The following XRCC5 variants were observed in gnomAD, a reference collection of about 807,000 sequenced individuals.
XRCC5 encodes the protein X-ray repair cross complementing 5.
In XRCC5, 12 loss-of-function variants were observed where a neutral mutation model predicts 95.7. The ratio of observed to expected loss-of-function variants is 0.13; its 90% CI spans 0.08 to 0.20. XRCC5 has a LOEUF of 0.20. Ranked by LOEUF, XRCC5 falls within the 10% of genes least tolerant of loss-of-function variation. XRCC5 has a pLI of 1.00. For missense variants in XRCC5, 595 were observed against 873.9 expected (o/e 0.68, Z 4.02); for synonymous variants, 281 against 290.3 (o/e 0.97, Z 0.33).
At chr2:216,175,810 T>C in intron 16 of XRCC5, 1 of 439,272 alleles carries the variant, frequency 2.3e-6, no homozygotes, top group South Asian at 1.8e-5. Context: ...CTGGAATGTT[T>C]GCTTGGGGTT....
intron 14 of XRCC5, among the ~76,000 whole-genome samples, chr2:216,155,015 A>T (rs916843921): frequency 3.3e-5 from 5 of 151,826 alleles, no homozygotes; most frequent in Non-Finnish European, 7.4e-5. Flanking sequence ...AGTAGAAAAT[A>T]AAAAAATATA....
intron 13 of XRCC5, among the ~76,000 whole-genome samples, chr2:216,143,500 C>T (rs537145268): frequency 5.9e-5 from 9 of 151,856 alleles, no homozygotes; most frequent in African/African-American, 2.2e-4. Context: ...CAAACAGATA[C>T]AAGCCATAAA....
intron 13 of XRCC5, among the ~76,000 whole-genome samples, chr2:216,141,547 T>TTC (rs1697170770): frequency 1.3e-5 from 1 of 76,924 alleles, no homozygotes; most frequent in African/African-American, 3.9e-5. Flanking sequence ...TTTCTTTTTT[T>TTC]TTTTTTTTTT....
intron 4 of XRCC5, among the ~76,000 whole-genome samples, chr2:216,118,677 G>C (rs1696746306): frequency 6.6e-6 from 1 of 152,222 alleles, no homozygotes; most frequent in African/African-American, 2.4e-5. Context: ...CATGGAGTCA[G>C]AGCAGGATAT....
At position 216,170,392 on chromosome 2, in the gene XRCC5, A is replaced by G. The variant is rs534616890; in HGVS notation, c.1834+8344A>G. Among the ~76,000 whole-genome samples, 17 of 152,284 alleles carry G rather than the reference A, an allele frequency of 1.1e-4. No individual in the cohort carries two copies. The South Asian group carries it at 2.5e-3, about 22-fold the overall frequency. On this transcript the variant is annotated intron_variant, in intron 16 of 20. Transcript: ENST00000392132. ...TCCCATCTGGCTGAAAATGGAATTCATGAAGGCTTTCTCAGCATCATAACT... is the reference window on the plus strand; with the variant it reads ...TCCCATCTGGCTGAAAATGGAATTCGTGAAGGCTTTCTCAGCATCATAACT...
intron 16 of XRCC5, among the ~76,000 whole-genome samples, chr2:216,180,552 G>A (rs1689366677): frequency 6.6e-6 from 1 of 152,098 alleles, no homozygotes. Flanking sequence ...CTTGAACCTG[G>A]GAGGCGGGAG....
rs113950625 is a variant in XRCC5, at chr2:216,129,182, C to T, written c.937+1508C>T. On this transcript the variant is annotated intron_variant, in intron 8 of 20. Coordinates refer to ENST00000392132, the MANE Select transcript of XRCC5 (RefSeq NM_021141.4). ...TTTTGGTTGTCAGCAAGGAAGGCAT[C>T]CCTGGTTATCTTAGGCAAAAAGGAA... 5.5e-3 allele frequency among the ~76,000 whole-genome samples: 832 copies of T among 152,252 alleles called. 4 individuals carry two copies. Among genetic ancestry groups the T allele is most frequent in the Non-Finnish European group, 9.6e-3 (652 of 68,022 alleles).
At chr2:216,111,492 C>G (rs533589240) in intron 1 of XRCC5, 1 of 350,506 alleles carries the variant, frequency 2.9e-6, no homozygotes, top group South Asian at 2.0e-5. Context: ...CCACTGTACT[C>G]CAGCCTGGGT....
At chr2:216,196,873 A>C (rs1689731875) in intron 19 of XRCC5, among the ~76,000 whole-genome samples, 2 of 152,226 alleles carry the variant, frequency 1.3e-5, no homozygotes, top group Non-Finnish European at 2.9e-5. Flanking sequence ...GTTGACACAT[A>C]ATATTCATTG....
At chr2:216,126,765 C>T (rs1696905628) in intron 7 of XRCC5, among the ~76,000 whole-genome samples, 2 of 151,884 alleles carry the variant, frequency 1.3e-5, no homozygotes, top group South Asian at 4.1e-4. Context: ...CTGTGAGAAC[C>T]TTGGGGCAGT....
chr2:216,147,985 GC>G, intron 13 of XRCC5, 97 bp from the exon 14 acceptor site: 1 of 1,274,926 alleles, frequency 7.8e-7, no homozygotes, highest in South Asian at 1.3e-5. Flanking sequence ...GAATCACTTA[GC>G]CCTCCCACAC....
At chr2:216,194,440 G>A (rs1028550359) in intron 18 of XRCC5, among the ~76,000 whole-genome samples, 1 of 152,058 alleles carries the variant, frequency 6.6e-6, no homozygotes, top group East Asian at 1.9e-4. Flanking sequence ...CATAAAATAC[G>A]ACAAGAGCCA....
intron 14 of XRCC5, chr2:216,156,499 A>G (rs1688845029): frequency 9.4e-6 from 6 of 636,322 alleles, no homozygotes; most frequent in East Asian, 3.8e-5. Context: ...GACGCATTCA[A>G]TCACAGCAAA....
chr2:216,149,632 C>T (rs890369103), intron 14 of XRCC5, among the ~76,000 whole-genome samples: 4 of 152,076 alleles, frequency 2.6e-5, no homozygotes, highest in South Asian at 2.1e-4. Flanking sequence ...ATCTCCAGTC[C>T]GTGATCTTGA....
chr2:216,167,495 A>G (rs1338231664), intron 16 of XRCC5, among the ~76,000 whole-genome samples: 1 of 151,934 alleles, frequency 6.6e-6, no homozygotes, highest in Non-Finnish European at 1.5e-5. Context: ...ATTTTCTGCC[A>G]GGAGTCAAGC....
intron 14 of XRCC5, among the ~76,000 whole-genome samples, chr2:216,148,917 CAAG>C (rs146971300): frequency 0.032 from 4,813 of 152,172 alleles, 265 homozygotes; most frequent in African/African-American, 0.11. Flanking sequence ...AAAAATAAAA[CAAG>C]AAGAAATTGT....
At chr2:216,116,926 G>A in intron 3 of XRCC5, 84 bp downstream of exon 3, 2 of 1,467,982 alleles carry the variant, frequency 1.4e-6, no homozygotes, top group Admixed American at 1.8e-5. Flanking sequence ...CACCCCCAGA[G>A]TTTCAGCTAT....
intron 13 of XRCC5, among the ~76,000 whole-genome samples, chr2:216,147,293 G>C (rs944939462): frequency 6.6e-6 from 1 of 152,178 alleles, no homozygotes; most frequent in African/African-American, 2.4e-5. Flanking sequence ...CGAAGCAGGA[G>C]CCCAGCCTAT....
In XRCC5 at chr2:216,113,122, A is replaced by G. The variant is rs777586585; in HGVS notation, c.128A>G (p.Gln43Arg). The stretch of plus-strand genomic sequence containing the variant: ...AAGAAGGTGATAACCATGTTTGTAC[A>G]GCGACAGGTAAGTTTCAGATTGACA... ...QAKKVITMFVQRQVFAENKDE... is the reference protein window; with the variant it reads ...QAKKVITMFVRRQVFAENKDE... Residue 43 changes from glutamine to arginine, a missense_variant, in exon 2 of 21, where the codon CAG (glutamine) becomes CGG (arginine). Gln to Arg is a conservative substitution (Grantham distance 43). This residue lies in a region of XRCC5 where 286 missense variants were observed against 491.1 expected (regional missense o/e 0.58). Transcript: ENST00000392132. 6.2e-7 allele frequency: 1 copy of G among 1,613,360 alleles called. No individual in the cohort carries two copies. The highest frequency in any genetic ancestry group is 1.1e-5 in the South Asian group (1 of 91,036).
Sources: allele counts gnomAD v4.1 joint callset (sites outside exome capture counted in the v4.1 genomes callset), GRCh38; gene constraint gnomAD v4.1.1; regional missense constraint gnomAD v4.1.1; transcripts MANE v1.5; gene names NCBI Gene and HGNC (gene_info 2026-07-23, HGNC 2026-07-21).